OSBPL1A: variants seen among roughly 807,000 people sequenced by gnomAD.
OSBPL1A encodes oxysterol-binding protein-related protein 1.
A neutral mutation model predicts 137.1 loss-of-function variants in OSBPL1A; 80 were observed. The observed-to-expected ratio is 0.58, with a 90% CI of 0.49 to 0.70. OSBPL1A has a LOEUF of 0.70. OSBPL1A is among the 30% of genes least tolerant of loss of function. The pLI, the probability that OSBPL1A is intolerant of heterozygous loss-of-function variation, is 0.00. For synonymous variants in OSBPL1A, 365 were observed against 389.7 expected (o/e 0.94, Z 0.75); for missense variants, 970 against 1,129.4 (o/e 0.86, Z 2.02).
At chr18:24,340,675 A>G (rs574018523) in intron 5 of OSBPL1A, among the ~76,000 whole-genome samples, 38 of 152,282 alleles carry the variant, frequency 2.5e-4, no homozygotes, top group African/African-American at 8.7e-4. Flanking sequence ...GTGTGATGGT[A>G]CATGCCTGTA....
intron 15 of OSBPL1A, among the ~76,000 whole-genome samples, chr18:24,265,430 A>G (rs774305607): frequency 1.3e-5 from 2 of 152,214 alleles, no homozygotes; most frequent in Non-Finnish European, 2.9e-5. Flanking sequence ...CAGTGAGCAG[A>G]GATCACGTTA....
intron 19 of OSBPL1A, 33 bp downstream of exon 19, chr18:24,181,112 A>C: frequency 1.2e-6 from 2 of 1,605,190 alleles, no homozygotes; most frequent in Non-Finnish European, 8.5e-7. Context: ...CAAGGTCTCT[A>C]AGAGTTAGAC....
intron 15 of OSBPL1A, among the ~76,000 whole-genome samples, chr18:24,250,174 G>GTTTTTTTTTTTTT (rs1233264916): frequency 1.3e-5 from 1 of 75,348 alleles, no homozygotes. Flanking sequence ...TTGTTTGTTT[G>GTTTTTTTTTTTTT]TTTGTTTGTT....
At chr18:24,252,186 C>G (rs1228043753) in intron 15 of OSBPL1A, among the ~76,000 whole-genome samples, 2 of 151,988 alleles carry the variant, frequency 1.3e-5, no homozygotes, top group Non-Finnish European at 2.9e-5. Context: ...CTTCCCAAAC[C>G]TTAAGAAAGA....
intron 18 of OSBPL1A, 53 bp downstream of exon 18, chr18:24,196,072 A>C: frequency 7.2e-7 from 1 of 1,389,914 alleles, no homozygotes; most frequent in Non-Finnish European, 1.0e-6. Flanking sequence ...TTTCTAAAGA[A>C]TATGCGATTA....
At chr18:24,287,633 C>T (rs1296856572) in intron 14 of OSBPL1A, among the ~76,000 whole-genome samples, 2 of 151,802 alleles carry the variant, frequency 1.3e-5, no homozygotes, top group Non-Finnish European at 2.9e-5. Context: ...ATTAGCTGGG[C>T]GAGGTGGTAC....
Position 24,376,342 on chromosome 18 carries a change from G to C in OSBPL1A, c.121+1071C>G, listed in dbSNP as rs374669928. Among the ~76,000 whole-genome samples the C allele has an allele frequency of 1.5e-4, 23 of 152,370 alleles. No homozygotes were observed. In the East Asian group the frequency reaches 2.9e-3, roughly 19 times the overall value. On this transcript the variant is annotated intron_variant, in intron 2 of 27. Coordinates refer to ENST00000319481, the MANE Select transcript of OSBPL1A (RefSeq NM_080597.4). ...CTCCAAGGCCCCACCAGAGTAGCTA[G>C]ATACAGAGTATTGATTGGTGCATTC...
intron 15 of OSBPL1A, among the ~76,000 whole-genome samples, chr18:24,264,265 C>T (rs2089515100): frequency 6.6e-6 from 1 of 151,514 alleles, no homozygotes; most frequent in South Asian, 2.1e-4. Flanking sequence ...AAAAAAAAAA[C>T]ACCAACTGTT....
At chr18:24,220,699 GGGCACCA>G (rs1339364527) in intron 17 of OSBPL1A, among the ~76,000 whole-genome samples, 1 of 152,120 alleles carries the variant, frequency 6.6e-6, no homozygotes, top group East Asian at 1.9e-4. Flanking sequence ...TTTCTACCCA[GGGCACCA>G]GAGGATCTCT....
At chr18:24,382,347 C>T (rs868133926) in intron 1 of OSBPL1A, among the ~76,000 whole-genome samples, 1 of 145,014 alleles carries the variant, frequency 6.9e-6, no homozygotes, top group Non-Finnish European at 1.5e-5. Flanking sequence ...GCAGAGCTTG[C>T]AGTGAGCTGA....
Position 24,271,762 on chromosome 18 carries a change from C to A in OSBPL1A, c.1281+9080G>T. On this transcript the variant is annotated intron_variant, in intron 15 of 27. Coordinates refer to ENST00000319481, the MANE Select transcript of OSBPL1A (RefSeq NM_080597.4). The surrounding 1 kb of genome is among the most constrained non-coding windows in gnomAD (Gnocchi z 4.0). ...CCGATCCGGGAGGCGCGACCCAGGG[C>A]GGCCCGCAAGGTCTCCCTAAGTCAC... is the stretch of plus-strand genomic sequence containing the variant. 2.0e-6 allele frequency: 2 copies of A among 985,564 alleles called. No individual in the cohort carries two copies. Among genetic ancestry groups the A allele is most frequent in the Non-Finnish European group, 2.4e-6 (2 of 830,058 alleles). 61.1% of individuals were successfully genotyped at this position (985,564 alleles called of 1,614,324 possible).
intron 4 of OSBPL1A, among the ~76,000 whole-genome samples, chr18:24,347,427 C>T (rs2091363803): frequency 6.6e-6 from 1 of 152,150 alleles, no homozygotes; most frequent in African/African-American, 2.4e-5. Flanking sequence ...TCAGGCGATC[C>T]GCCCGTCTTG....
intron 19 of OSBPL1A, 127 bp downstream of exon 19, chr18:24,181,018 T>G: frequency 2.3e-5 from 26 of 1,142,550 alleles, no homozygotes; most frequent in Non-Finnish European, 2.7e-5. Flanking sequence ...ACATGCGGAC[T>G]GAGCTTTGAT....
chr18:24,264,388 A>G (rs943535475), intron 15 of OSBPL1A, among the ~76,000 whole-genome samples: 3 of 152,160 alleles, frequency 2.0e-5, no homozygotes, highest in Admixed American at 6.5e-5. Flanking sequence ...TAAGGCCAAT[A>G]TTTTTTGAAA....
intron 16 of OSBPL1A, among the ~76,000 whole-genome samples, chr18:24,233,414 G>A (rs775437366): frequency 1.2e-4 from 18 of 152,064 alleles, no homozygotes; most frequent in Non-Finnish European, 1.9e-4. Context: ...CTCCCCTGCA[G>A]AATCCAAAGT....
chr18:24,341,429 C>A, intron 5 of OSBPL1A, 118 bp downstream of exon 5: 1 of 671,762 alleles, frequency 1.5e-6, no homozygotes, highest in Admixed American at 2.8e-5. Context: ...ATGACATTAT[C>A]ATTAGAGCAT....
chr18:24,246,472 G>T lies in OSBPL1A; in HGVS notation c.1282-7090C>A, dbSNP rs114393294. On this transcript the variant is annotated intron_variant, in intron 15 of 27. Coordinates refer to ENST00000319481, the MANE Select transcript of OSBPL1A (RefSeq NM_080597.4). ...CCCCATGGTTATAATGCTGAAAAGG[G>T]GATGGAGGAGCCAAGAGTAGAATAA... Among the ~76,000 whole-genome samples, 1,379 of 151,968 alleles carry T rather than the reference G, an allele frequency of 9.1e-3. 24 individuals carry two copies. The highest frequency in any genetic ancestry group is 0.032 in the African/African-American group (1,327 of 41,430).
intron 14 of OSBPL1A, among the ~76,000 whole-genome samples, chr18:24,286,358 AT>A (rs1335753502): frequency 6.6e-6 from 1 of 152,184 alleles, no homozygotes; most frequent in Admixed American, 6.5e-5. Flanking sequence ...ATAGAAATCT[AT>A]TTTTTGTTCA....
At chr18:24,255,226 GAAA>G (rs2089235279) in intron 15 of OSBPL1A, among the ~76,000 whole-genome samples, 1 of 152,164 alleles carries the variant, frequency 6.6e-6, no homozygotes, top group Non-Finnish European at 1.5e-5. Flanking sequence ...TCCCAGTAAA[GAAA>G]AGCCTGGGAC....
Sources: gnomAD v4.1 joint callset for allele counts (sites outside exome capture counted in the v4.1 genomes callset) on GRCh38, gnomAD v4.1.1 for gene constraint, Gnocchi (gnomAD v3.1) non-coding constraint, MANE v1.5 for transcripts, NCBI Gene and HGNC (gene_info 2026-07-23, HGNC 2026-07-21) for gene names.